DIP2B: variants seen among roughly 807,000 people sequenced by gnomAD.
DIP2B encodes the protein disco-interacting protein 2 homolog B.
In DIP2B, 76 loss-of-function variants were observed where a neutral mutation model predicts 198.0. The observed-to-expected ratio is 0.38, with a 90% CI of 0.32 to 0.46. The LOEUF (loss-of-function observed/expected upper bound fraction) is 0.46. DIP2B is among the 20% of genes least tolerant of loss of function. The pLI is 0.99. For missense variants in DIP2B, 1,559 were observed against 1,978.4 expected (o/e 0.79, Z 4.02); for synonymous variants, 701 against 739.1 (o/e 0.95, Z 0.84).
intron 12 of DIP2B, 123 bp from the exon 13 acceptor site, chr12:50,690,926 A>G (rs953240934): frequency 3.6e-5 from 26 of 730,996 alleles, no homozygotes; most frequent in Non-Finnish European, 8.9e-6. Flanking sequence ...AAATATTCAT[A>G]TTAAACATGT....
intron 1 of DIP2B, among the ~76,000 whole-genome samples, chr12:50,588,401 C>T (rs534194199): frequency 1.6e-4 from 25 of 152,258 alleles, no homozygotes; most frequent in Admixed American, 4.6e-4. Flanking sequence ...CCCCCTGCCT[C>T]AGCCTCCCAA....
intron 26 of DIP2B, among the ~76,000 whole-genome samples, chr12:50,722,501 G>C (rs1565882295): frequency 6.6e-6 from 1 of 152,026 alleles, no homozygotes; most frequent in Non-Finnish European, 1.5e-5. Context: ...TGATCCACCT[G>C]CCCCAACCTT....
Position 50,744,894 on chromosome 12 carries a change from C to T in DIP2B, c.*55C>T. ...TCTGAAGAATCACAAAGACAGAAGA[C>T]CTCTGGCTAAGAGCAGGCTTCAAAC... On this transcript the variant is annotated 3_prime_UTR_variant, in exon 38 of 38. Coordinates refer to ENST00000301180, the MANE Select transcript of DIP2B (RefSeq NM_173602.3). 1 of 1,591,818 alleles carries T rather than the reference C, an allele frequency of 6.3e-7. No individual in the cohort carries two copies. The highest frequency in any genetic ancestry group is 8.6e-7 in the Non-Finnish European group (1 of 1,165,178).
chr12:50,739,409 A>G lies in DIP2B; in HGVS notation c.4177A>G (p.Ile1393Val). The G allele has an allele frequency of 6.2e-7, 1 of 1,603,712 alleles. No individual in the cohort carries two copies. The highest frequency in any genetic ancestry group is 8.5e-7 in the Non-Finnish European group (1 of 1,171,056). The change falls in exon 36 of 38, where the codon ATT becomes GTT. Residue 1393 changes from isoleucine to valine, a missense_variant and splice_region_variant. Ile to Val is a conservative substitution (Grantham distance 29, BLOSUM62 3). Transcript: ENST00000301180. ...TGTGATCAAAGCACTTTTCTTGTAG[A>G]TTTGGGTGAACAGTCCCCATACAGC... The part of the protein sequence containing the change: ...GPVGDSHLGE[I>V]WVNSPHTASG...
In DIP2B at chr12:50,731,130, C is replaced by T. The variant is rs563398753; in HGVS notation, c.3642-239C>T. The stretch of plus-strand genomic sequence containing the variant: ...GTATCATCTTGACCATATTAATTAG[C>T]TTGAGGGCAGCTGTAAGAATGTTAT... On this transcript the variant is annotated intron_variant, in intron 30 of 37. Transcript: ENST00000301180. Among the ~76,000 whole-genome samples, 4 of 152,308 alleles carry T rather than the reference C, an allele frequency of 2.6e-5. No individual in the cohort carries two copies. In the South Asian group the frequency reaches 6.2e-4, roughly 24 times the overall value.
intron 1 of DIP2B, among the ~76,000 whole-genome samples, chr12:50,569,088 T>C (rs1958591780): frequency 6.6e-6 from 1 of 151,620 alleles, no homozygotes; most frequent in Non-Finnish European, 1.5e-5. Flanking sequence ...GAATTTCTTT[T>C]GTCTTTTTTT....
chr12:50,627,143 G>A (rs1937950984), intron 2 of DIP2B, among the ~76,000 whole-genome samples: 1 of 152,152 alleles, frequency 6.6e-6, no homozygotes, highest in Non-Finnish European at 1.5e-5. Flanking sequence ...GGTTGAGGAG[G>A]TTACCTTGAT....
intron 1 of DIP2B, among the ~76,000 whole-genome samples, chr12:50,526,022 T>C (rs766265270): frequency 3.3e-5 from 5 of 152,272 alleles, no homozygotes; most frequent in African/African-American, 9.6e-5. Context: ...CTTGTTCATA[T>C]ATTAATATGA....
chr12:50,516,810 A>G lies in DIP2B; in HGVS notation c.100+11570A>G, dbSNP rs148448901. On this transcript the variant is annotated intron_variant, in intron 1 of 37. Transcript: ENST00000301180. ...GCCAACATGGCGAAACCCTATCAGT[A>G]CTAAAAATGCAAAAATTAGCTGGGT... Among the ~76,000 whole-genome samples the G allele has an allele frequency of 4.7e-3, 719 of 152,122 alleles. 8 individuals carry two copies. Among genetic ancestry groups the G allele is most frequent in the African/African-American group, 0.016 (680 of 41,550 alleles).
chr12:50,560,358 T>C (rs1239482716), intron 1 of DIP2B, among the ~76,000 whole-genome samples: 16 of 148,270 alleles, frequency 1.1e-4, no homozygotes, highest in Admixed American at 1.0e-3. Context: ...TCGCAGCCAC[T>C]GCATTCCAGC....
rs552320596 is a variant in DIP2B, at chr12:50,720,215, A to C, written c.3043-1058A>C. ...AGTGCTAGGATTATAGGCTTGAGGC[A>C]CTGTGCCCGGCCTATATATTGTATT... is the stretch of plus-strand genomic sequence containing the variant. On this transcript the variant is annotated intron_variant, in intron 25 of 37. Transcript: ENST00000301180. Among the ~76,000 whole-genome samples, 3 of 152,136 alleles carry C rather than the reference A, an allele frequency of 2.0e-5. No individual in the cohort carries two copies. In the South Asian group the frequency reaches 6.2e-4, roughly 32 times the overall value.
intron 37 of DIP2B, among the ~76,000 whole-genome samples, chr12:50,742,946 A>C (rs1940279607): frequency 6.6e-6 from 1 of 152,106 alleles, no homozygotes; most frequent in Non-Finnish European, 1.5e-5. Flanking sequence ...CCCAGACCTG[A>C]ACAAGACTCT....
intron 30 of DIP2B, among the ~76,000 whole-genome samples, chr12:50,730,929 C>G (rs1321584233): frequency 6.6e-6 from 1 of 152,114 alleles, no homozygotes; most frequent in Non-Finnish European, 1.5e-5. Context: ...TGTCAGTGTT[C>G]TTGATTCACA....
Position 50,745,021 on chromosome 12 carries a change from G to T in DIP2B, c.*182G>T. On this transcript the variant is annotated 3_prime_UTR_variant, in exon 38 of 38. Transcript: ENST00000301180. ...AAAGGGGAATTCTGTGATGGCAAAT[G>T]AAAAAAATGTTAACATTTGGTAGAC... 2 of 758,084 alleles carry T rather than the reference G, an allele frequency of 2.6e-6. No homozygotes were observed. The highest frequency in any genetic ancestry group is 4.1e-6 in the Non-Finnish European group (2 of 486,460). 47.0% of individuals were successfully genotyped at this position (758,084 alleles called of 1,614,324 possible).
At chr12:50,709,609 G>T (rs1939576656) in intron 22 of DIP2B, among the ~76,000 whole-genome samples, 1 of 151,162 alleles carries the variant, frequency 6.6e-6, no homozygotes, top group Non-Finnish European at 1.5e-5. Flanking sequence ...CTGCACTCCA[G>T]CCTGGGGGAC....
chr12:50,522,022 A>T (rs567504977), intron 1 of DIP2B, among the ~76,000 whole-genome samples: 1 of 151,502 alleles, frequency 6.6e-6, no homozygotes, highest in Non-Finnish European at 1.5e-5. Flanking sequence ...TTTTTTTAAG[A>T]TAGAGTCTTG....
intron 1 of DIP2B, among the ~76,000 whole-genome samples, chr12:50,520,552 G>A (rs1237676739): frequency 1.3e-5 from 2 of 152,032 alleles, no homozygotes; most frequent in Non-Finnish European, 2.9e-5. Context: ...TCCTTCCATA[G>A]TTCTTTGCTT....
chr12:50,576,020 A>G (rs1043768151), intron 1 of DIP2B, among the ~76,000 whole-genome samples: 1 of 151,626 alleles, frequency 6.6e-6, no homozygotes, highest in Non-Finnish European at 1.5e-5. Flanking sequence ...GGCCTCCCAA[A>G]GAGCTGGAAT....
chr12:50,620,684 A>C (rs1198929262), intron 1 of DIP2B, among the ~76,000 whole-genome samples: 2 of 152,226 alleles, frequency 1.3e-5, no homozygotes, highest in African/African-American at 4.8e-5. Context: ...TTTTAATGCA[A>C]ATTTTATATA....
Sources: allele counts gnomAD v4.1 joint callset (sites outside exome capture counted in the v4.1 genomes callset), GRCh38; gene constraint gnomAD v4.1.1; transcripts MANE v1.5; gene names NCBI Gene and HGNC (gene_info 2026-07-23, HGNC 2026-07-21).